SNCAIP: variants seen among roughly 807,000 people sequenced by gnomAD.
SNCAIP encodes the protein synuclein alpha interacting protein.
SNCAIP carries 43 observed loss-of-function variants against 86.7 expected under a neutral mutation model. That is an observed-to-expected ratio of 0.50 (90% CI 0.39 to 0.64). The LOEUF (loss-of-function observed/expected upper bound fraction) is 0.64. Among genes scored for constraint, SNCAIP ranks in the 30% least tolerant of loss-of-function variants. SNCAIP has a pLI of 0.00. For synonymous variants in SNCAIP, 417 were observed against 427.2 expected (o/e 0.98, Z 0.29); for missense variants, 981 against 1,103.1 (o/e 0.89, Z 1.57).
At chr5:122,367,734 G>A (rs1410638636) in intron 1 of SNCAIP, among the ~76,000 whole-genome samples, 1 of 152,080 alleles carries the variant, frequency 6.6e-6, no homozygotes, top group Admixed American at 6.6e-5. Flanking sequence ...GAAAGCGCCT[G>A]TATTACTGTG....
intron 8 of SNCAIP, among the ~76,000 whole-genome samples, chr5:122,447,778 C>G (rs1389586516): frequency 6.6e-6 from 1 of 152,190 alleles, no homozygotes; most frequent in Non-Finnish European, 1.5e-5. Flanking sequence ...CACAGCCACA[C>G]ACATTCATTT....
intron 3 of SNCAIP, among the ~76,000 whole-genome samples, chr5:122,416,036 G>C (rs538174358): frequency 6.6e-6 from 1 of 152,194 alleles, no homozygotes; most frequent in Non-Finnish European, 1.5e-5. Flanking sequence ...AAGCCCAAAG[G>C]TTTAAAGTTG....
At chr5:122,378,560 C>G (rs1765906034) in intron 1 of SNCAIP, among the ~76,000 whole-genome samples, 1 of 142,742 alleles carries the variant, frequency 7.0e-6, no homozygotes. Context: ...TCCCATTTGT[C>G]AATTTTGTCT....
intron 1 of SNCAIP, among the ~76,000 whole-genome samples, chr5:122,327,890 A>G (rs1754432264): frequency 6.6e-6 from 1 of 152,180 alleles, no homozygotes; most frequent in Non-Finnish European, 1.5e-5. Context: ...GAGAGAGGGA[A>G]CTATGATCTC....
intron 1 of SNCAIP, among the ~76,000 whole-genome samples, chr5:122,379,596 G>A (rs1241750291): frequency 6.0e-5 from 9 of 150,506 alleles, no homozygotes; most frequent in Non-Finnish European, 1.0e-4. Context: ...AGTGGTGAGA[G>A]AGGGCATCCC....
chr5:122,317,378 G>T (rs796801022), intron 1 of SNCAIP, among the ~76,000 whole-genome samples: 14 of 152,268 alleles, frequency 9.2e-5, no homozygotes, highest in African/African-American at 3.4e-4. Flanking sequence ...TCTTCATGGT[G>T]GCAAAATTTT....
intron 6 of SNCAIP, among the ~76,000 whole-genome samples, chr5:122,433,403 C>G (rs1342983433): frequency 2.0e-5 from 3 of 152,136 alleles, no homozygotes; most frequent in African/African-American, 4.8e-5. Context: ...CTCAGATTCT[C>G]TCACTTCAGG....
At chr5:122,329,020 T>C (rs1185934707) in intron 1 of SNCAIP, among the ~76,000 whole-genome samples, 1 of 152,168 alleles carries the variant, frequency 6.6e-6, no homozygotes, top group Non-Finnish European at 1.5e-5. Context: ...AATTGTATGG[T>C]GATAAATTAT....
At chr5:122,408,408 G>A (rs1466558241) in intron 3 of SNCAIP, among the ~76,000 whole-genome samples, 1 of 152,124 alleles carries the variant, frequency 6.6e-6, no homozygotes, top group Non-Finnish European at 1.5e-5. Context: ...CATCCCTGCG[G>A]CTTTAGTGGT....
At chr5:122,421,184 G>C (rs1236477890) in intron 3 of SNCAIP, among the ~76,000 whole-genome samples, 1 of 152,112 alleles carries the variant, frequency 6.6e-6, no homozygotes, top group Non-Finnish European at 1.5e-5. Context: ...GGAGAGAATC[G>C]AGCCCTCCTT....
At chr5:122,433,472 C>T (rs1778814411) in intron 6 of SNCAIP, among the ~76,000 whole-genome samples, 1 of 152,048 alleles carries the variant, frequency 6.6e-6, no homozygotes, top group South Asian at 2.1e-4. Flanking sequence ...TTTGTAGAGG[C>T]ACTGATATAG....
intron 8 of SNCAIP, among the ~76,000 whole-genome samples, chr5:122,448,733 A>C (rs1486312749): frequency 1.4e-5 from 2 of 142,012 alleles, no homozygotes; most frequent in African/African-American, 5.2e-5. Flanking sequence ...TGTTTTATAT[A>C]TATATATACA....
intron 1 of SNCAIP, among the ~76,000 whole-genome samples, chr5:122,355,320 T>C (rs1490742090): frequency 6.6e-6 from 1 of 152,114 alleles, no homozygotes; most frequent in Non-Finnish European, 1.5e-5. Flanking sequence ...CTCATGAGAG[T>C]TTTTTTCAAG....
At position 122,450,646 on chromosome 5, in the gene SNCAIP, G is replaced by C; in HGVS notation, c.1799G>C (p.Ser600Thr). 1 of 1,614,072 alleles carries C rather than the reference G, an allele frequency of 6.2e-7. No individual in the cohort carries two copies. Among genetic ancestry groups the C allele is most frequent in the Non-Finnish European group, 8.5e-7 (1 of 1,179,912 alleles). The part of the protein sequence containing the change: ...GVQEGIQVLG[S>T]LSASSRARPK... Reference sequence around the variant, plus strand: ...CAAGAGGGGATTCAGGTTCTTGGAAGCCTGTCAGCCTCCAGCCGGGCTAGA... The same window carrying C: ...CAAGAGGGGATTCAGGTTCTTGGAACCCTGTCAGCCTCCAGCCGGGCTAGA... The change falls in exon 10 of 11, where the codon AGC becomes ACC. Residue 600 changes from serine to threonine, a missense_variant. Transcript: ENST00000261368.
intron 2 of SNCAIP, among the ~76,000 whole-genome samples, chr5:122,394,793 A>T (rs1770231086): frequency 6.6e-6 from 1 of 152,232 alleles, no homozygotes; most frequent in Non-Finnish European, 1.5e-5. Flanking sequence ...ACTCACAGCC[A>T]CCATCCACCA....
At chr5:122,366,838 T>C (rs1763300443) in intron 1 of SNCAIP, among the ~76,000 whole-genome samples, 1 of 152,100 alleles carries the variant, frequency 6.6e-6, no homozygotes, top group Non-Finnish European at 1.5e-5. Flanking sequence ...AAGCCCATAT[T>C]TGTATTTTAG....
At chr5:122,404,748 C>T (rs1016448502) in intron 3 of SNCAIP, among the ~76,000 whole-genome samples, 36 of 152,182 alleles carry the variant, frequency 2.4e-4, no homozygotes, top group African/African-American at 8.0e-4. Flanking sequence ...TATACAGCTA[C>T]TAGAATTCTA....
intron 5 of SNCAIP, among the ~76,000 whole-genome samples, chr5:122,428,279 C>T (rs1005596729): frequency 1.9e-4 from 29 of 152,232 alleles, no homozygotes; most frequent in African/African-American, 6.5e-4. Flanking sequence ...GCCCCAGGCC[C>T]ATAGACTTTG....
intron 1 of SNCAIP, among the ~76,000 whole-genome samples, chr5:122,314,853 C>T (rs1265028309): frequency 1.3e-5 from 2 of 152,110 alleles, no homozygotes; most frequent in African/African-American, 2.4e-5. Context: ...AAATAGTTAT[C>T]GTGCATTTAC....
Sources: allele counts gnomAD v4.1 joint callset (sites outside exome capture counted in the v4.1 genomes callset), GRCh38; gene constraint gnomAD v4.1.1; transcripts MANE v1.5; gene names NCBI Gene and HGNC (gene_info 2026-07-23, HGNC 2026-07-21).